DNAH17: variants seen among roughly 807,000 people sequenced by gnomAD.
DNAH17 encodes axonemal beta dynein heavy chain 17.
In DNAH17, 376 loss-of-function variants were observed where a neutral mutation model predicts 485.6. The ratio of observed to expected loss-of-function variants is 0.77; its 90% confidence interval spans 0.71 to 0.84. DNAH17 has a LOEUF of 0.84. Ranked by LOEUF, DNAH17 falls within the 40% of genes least tolerant of loss-of-function variation. The probability of loss-of-function intolerance (pLI) is 0.00; values close to 1 mark genes in which losing one functional copy is unlikely to be tolerated. For synonymous variants in DNAH17, 3,031 were observed against 2,405.9 expected, an observed-to-expected ratio of 1.26 and a Z score of -7.60; for missense variants, 6,370 against 5,839.3, an observed-to-expected ratio of 1.09 and a Z score of -2.96.
intron 14 of DNAH17, among the ~76,000 whole-genome samples, chr17:78,555,169 C>T (rs998023658): frequency 6.6e-6 from 1 of 152,144 alleles, no homozygotes; most frequent in Non-Finnish European, 1.5e-5. Flanking sequence ...GGCTGAAAAC[C>T]AGACAGAAGT....
At chr17:78,477,530 C>A (rs925789440) in intron 51 of DNAH17, among the ~76,000 whole-genome samples, 3 of 152,190 alleles carry the variant, frequency 2.0e-5, no homozygotes, top group Admixed American at 1.3e-4. Context: ...AGGCACACTC[C>A]ACCATGCCCA....
At chr17:78,463,918 T>G (rs991422714) in intron 56 of DNAH17, among the ~76,000 whole-genome samples, 12 of 152,216 alleles carry the variant, frequency 7.9e-5, no homozygotes, top group Non-Finnish European at 2.9e-5. Context: ...TTCTAGGAAG[T>G]CTCTGCCTTG....
Position 78,494,641 on chromosome 17 carries a change from G to T in DNAH17, c.6222C>A (p.Leu2074=). Residue 2074 remains leucine (L), a synonymous_variant, in exon 40 of 81, where the codon CTC becomes CTA. Transcript: ENST00000389840. Reference sequence around the variant, plus strand: ...TCCGAGGCACGTCCAGAGCCGGGAAGAGGTCCCCGATCAGTCCCATGAATA... The same window carrying T: ...TCCGAGGCACGTCCAGAGCCGGGAATAGGTCCCCGATCAGTCCCATGAATA... ...LPVFMGLIGD[L]FPALDVPRKR... 1 of 1,613,960 alleles carries T rather than the reference G, an allele frequency of 6.2e-7. No individual in the cohort carries two copies. Among genetic ancestry groups the T allele is most frequent in the African/African-American group, 1.3e-5 (1 of 75,070 alleles).
intron 25 of DNAH17, among the ~76,000 whole-genome samples, chr17:78,516,744 G>C (rs1040496897): frequency 5.4e-5 from 8 of 149,150 alleles, no homozygotes; most frequent in Non-Finnish European, 1.2e-4. Flanking sequence ...TCAGTTAATT[G>C]TTGAAAAAGT....
intron 7 of DNAH17, 74 bp from the exon 8 acceptor site, chr17:78,569,601 A>G: frequency 1.3e-6 from 2 of 1,503,376 alleles, no homozygotes; most frequent in South Asian, 1.3e-5. Flanking sequence ...CGCCGCCTGC[A>G]GGACCTGTGA....
At position 78,537,245 on chromosome 17, in the gene DNAH17, A is replaced by G. The variant is rs970694320; in HGVS notation, c.2859+54T>C. ...TTGCCGAGTTAGGGCGGCAACACCA[A>G]ATGGGGAAAGCAATGGATGACCCTG... On this transcript the variant is annotated intron_variant, in intron 19 of 80. Transcript: ENST00000389840. 4 of 1,519,478 alleles carry G rather than the reference A, an allele frequency of 2.6e-6. No homozygotes were observed. The Admixed American group carries it at 8.2e-5, about 31-fold the overall frequency. 94.1% of individuals were successfully genotyped at this position (1,519,478 alleles called of 1,614,324 possible).
chr17:78,461,720 G>A lies in DNAH17; in HGVS notation c.9175-12C>T. On this transcript the variant is annotated splice_polypyrimidine_tract_variant and intron_variant, in intron 57 of 80. Transcript: ENST00000389840. Reference sequence around the variant, plus strand: ...TTCAAATCATCCACCTGGGGAAGGAGAAACCGAGAAACAGCAAGTGTGGGC... The same window carrying A: ...TTCAAATCATCCACCTGGGGAAGGAAAAACCGAGAAACAGCAAGTGTGGGC... 6.2e-7 allele frequency: 1 copy of A among 1,604,778 alleles called. No homozygotes were observed. Among genetic ancestry groups the A allele is most frequent in the Non-Finnish European group, 8.5e-7 (1 of 1,175,762 alleles).
In DNAH17 at chr17:78,534,302, T is replaced by C. The variant is rs1401263277; in HGVS notation, c.2860-1566A>G. 3.9e-5 allele frequency among the ~76,000 whole-genome samples: 6 copies of C among 152,018 alleles called. No individual in the cohort carries two copies. The South Asian group carries it at 6.2e-4, about 16-fold the overall frequency. On this transcript the variant is annotated intron_variant, in intron 19 of 80. Coordinates refer to ENST00000389840, the MANE Select transcript of DNAH17 (RefSeq NM_173628.4). ...GATCTTGTCTGTGCAGGGGACCTCG[T>C]TGGTAAGGGGTGGCACGAGGAAACG...
In DNAH17 at chr17:78,426,974, C is replaced by G. The variant is rs754991384; in HGVS notation, c.12723G>C (p.Leu4241=). 6.8e-6 allele frequency: 11 copies of G among 1,610,672 alleles called. No individual in the cohort carries two copies. The African/African-American group carries it at 8.0e-5, about 12-fold the overall frequency. ...TGAGCGAACGGCGCATTTCGTTGGT[C>G]AGGATGTTCATTCTTTCACATTCTT... ...AFQECERMNI[L]TNEMRRSLKE... is the part of the protein sequence containing the mutation. Residue 4241 remains leucine, a synonymous_variant, in exon 78 of 81, where the codon CTG becomes CTC. Transcript: ENST00000389840.
intron 18 of DNAH17, among the ~76,000 whole-genome samples, chr17:78,538,466 C>T (rs1391729103): frequency 1.3e-5 from 2 of 152,162 alleles, no homozygotes; most frequent in African/African-American, 4.8e-5. Flanking sequence ...TGAATGAGTC[C>T]CCATTGGACC....
chr17:78,444,942 A>G lies in DNAH17; in HGVS notation c.11335-145T>C, dbSNP rs921694977. On this transcript the variant is annotated intron_variant, in intron 70 of 80. Coordinates refer to ENST00000389840, the MANE Select transcript of DNAH17 (RefSeq NM_173628.4). ...GATAAGGAAGCCCGAGAGGCTGGCCACCAAAGCAGGAGCTGTCCATGCCCA... is the reference window on the plus strand; with the variant it reads ...GATAAGGAAGCCCGAGAGGCTGGCCGCCAAAGCAGGAGCTGTCCATGCCCA... 3 of 827,920 alleles carry G rather than the reference A, an allele frequency of 3.6e-6. No individual in the cohort carries two copies. The South Asian group carries it at 6.3e-5, about 17-fold the overall frequency. The allele number at this position is 827,920 out of a possible 1,614,324, so 51.3% of individuals were successfully genotyped here. A position where few individuals can be genotyped will look rare whatever the true frequency, so the allele number is the denominator to read the frequency against.
intron 11 of DNAH17, among the ~76,000 whole-genome samples, chr17:78,562,211 A>G (rs2092172399): frequency 6.6e-6 from 1 of 152,226 alleles, no homozygotes; most frequent in South Asian, 2.1e-4. Flanking sequence ...ATAATCCCAC[A>G]GTACAAATAA....
At chr17:78,519,793 G>T (rs1223917540) in intron 25 of DNAH17, among the ~76,000 whole-genome samples, 2 of 152,126 alleles carry the variant, frequency 1.3e-5, no homozygotes, top group African/African-American at 2.4e-5. Context: ...GGCCATTAAA[G>T]AAATTGAATT....
chr17:78,451,932 G>A (rs1022700409), intron 65 of DNAH17, among the ~76,000 whole-genome samples: 13 of 151,944 alleles, frequency 8.6e-5, no homozygotes, highest in Admixed American at 4.6e-4. Flanking sequence ...CCCCTCTGGC[G>A]ATACTCTGTC....
intron 19 of DNAH17, among the ~76,000 whole-genome samples, chr17:78,534,040 C>G (rs1043754912): frequency 5.3e-5 from 8 of 152,216 alleles, no homozygotes; most frequent in African/African-American, 1.7e-4. Context: ...CCAGGAAGAG[C>G]CGGCCTTTCC....
intron 19 of DNAH17, among the ~76,000 whole-genome samples, chr17:78,535,371 C>T (rs1218799252): frequency 6.6e-6 from 1 of 152,222 alleles, no homozygotes; most frequent in Non-Finnish European, 1.5e-5. Context: ...TCCTCCCACC[C>T]TTCCAGAATC....
At chr17:78,542,908 G>A (rs892685556) in intron 17 of DNAH17, among the ~76,000 whole-genome samples, 4 of 152,192 alleles carry the variant, frequency 2.6e-5, no homozygotes, top group African/African-American at 9.6e-5. Context: ...AACACACGGT[G>A]CCCACCCTCG....
intron 17 of DNAH17, among the ~76,000 whole-genome samples, chr17:78,541,615 A>G (rs7211115): frequency 0.77 from 116,240 of 151,854 alleles, 44,557 homozygotes; most frequent in African/African-American, 0.78. Flanking sequence ...TGCACAAGAG[A>G]CAACACCATC....
chr17:78,426,723 G>C (rs1331881528), intron 78 of DNAH17, 123 bp from the exon 79 acceptor site: 2 of 1,399,942 alleles, frequency 1.4e-6, no homozygotes, highest in African/African-American at 1.4e-5. Flanking sequence ...GAGACGCCCT[G>C]CATCAGGGCC....
Sources: allele counts gnomAD v4.1 joint callset (sites outside exome capture counted in the v4.1 genomes callset), GRCh38; gene constraint gnomAD v4.1.1; transcripts MANE v1.5; gene names NCBI Gene and HGNC (gene_info 2026-07-23, HGNC 2026-07-21).